The following KCNQ1 variants were observed in gnomAD, a reference collection of about 807,000 sequenced individuals.
KCNQ1 encodes potassium voltage-gated channel subfamily KQT member 1.
KCNQ1 carries 49 observed loss-of-function variants against 72.4 expected under a neutral mutation model. The observed-to-expected ratio is 0.68, with a 90% CI of 0.54 to 0.86. KCNQ1 has a LOEUF of 0.86. Ranked by LOEUF, KCNQ1 falls within the 40% of genes least tolerant of loss-of-function variation. The pLI, the probability that KCNQ1 is intolerant of heterozygous loss-of-function variation, is 0.00. For synonymous variants in KCNQ1, 450 were observed against 412.6 expected (o/e 1.09, Z -1.10); for missense variants, 790 against 945.1 (o/e 0.84, Z 2.15).
chr11:2,544,246 G>A lies in KCNQ1; in HGVS notation c.477+16228G>A, dbSNP rs1173523195. On this transcript the variant is annotated intron_variant, in intron 2 of 15. Transcript: ENST00000155840. The surrounding 1 kb of genome is among the most constrained non-coding windows in gnomAD (Gnocchi z 4.4). ...ATCTCATATATATATATGTGTGTGT[G>A]TGTATATATATATGTGTGTGTGTGT... 6.9e-5 allele frequency among the ~76,000 whole-genome samples: 10 copies of A among 144,998 alleles called. 1 individual carries two copies. Among genetic ancestry groups the A allele is most frequent in the African/African-American group, 2.4e-4 (9 of 37,054 alleles).
chr11:2,753,573 A>G (rs1160344461), intron 11 of KCNQ1, among the ~76,000 whole-genome samples: 2 of 152,172 alleles, frequency 1.3e-5, no homozygotes, highest in Non-Finnish European at 2.9e-5. Flanking sequence ...AGTCAGATGC[A>G]CCTTTTGAAG....
chr11:2,619,259 A>G (rs368892731), intron 10 of KCNQ1: 1 of 398,504 alleles, frequency 2.5e-6, no homozygotes, highest in Non-Finnish European at 4.4e-6. Context: ...GTACTGGTTC[A>G]TAGTAGAAGG....
At chr11:2,581,812 C>G (rs1317151569) in intron 6 of KCNQ1, among the ~76,000 whole-genome samples, 1 of 152,232 alleles carries the variant, frequency 6.6e-6, no homozygotes, top group Non-Finnish European at 1.5e-5. Context: ...ATACACAGAG[C>G]CGGGTGGTCC....
intron 15 of KCNQ1, among the ~76,000 whole-genome samples, chr11:2,806,968 G>T (rs973376755): frequency 5.3e-5 from 8 of 152,170 alleles, no homozygotes; most frequent in African/African-American, 1.9e-4. Context: ...GTTGGGCGGG[G>T]TCCCTGGGGC....
rs573151275 is a variant in KCNQ1 at position 2,632,935 on chromosome 11, G to A, written c.1394-29026G>A. ...TTTCCTTTCCTTTGAGTCAATACCCGGTAGTGGATTGTCAAACTGTATGAT... is the reference window on the plus strand; with the variant it reads ...TTTCCTTTCCTTTGAGTCAATACCCAGTAGTGGATTGTCAAACTGTATGAT... On this transcript the variant is annotated intron_variant, in intron 10 of 15. Coordinates refer to ENST00000155840, the MANE Select transcript of KCNQ1 (RefSeq NM_000218.3). 2.0e-4 allele frequency: 80 copies of A among 398,392 alleles called. No individual in the cohort carries two copies. Among genetic ancestry groups the A allele is most frequent in the African/African-American group, 1.0e-3 (51 of 48,722 alleles). 24.7% of individuals were successfully genotyped at this position (398,392 alleles called of 1,614,324 possible). A position where few individuals can be genotyped will look rare whatever the true frequency, so the allele number is the denominator to read the frequency against.
rs1210061499 is a variant in KCNQ1, at chr11:2,624,226, G to A, written c.1393+35372G>A. 1 of 398,432 alleles carries A rather than the reference G, an allele frequency of 2.5e-6. No individual in the cohort carries two copies. Among genetic ancestry groups the A allele is most frequent in the Non-Finnish European group, 4.4e-6 (1 of 226,048 alleles). The allele number at this position is 398,432 out of a possible 1,614,324, so 24.7% of individuals were successfully genotyped here. A position where few individuals can be genotyped will look rare whatever the true frequency, so the allele number is the denominator to read the frequency against. On this transcript the variant is annotated intron_variant, in intron 10 of 15. Transcript: ENST00000155840. This position sits in a 1 kb window ranked among gnomAD's most constrained non-coding sequence, Gnocchi z 4.9. ...GCCATCTGTATATCTTCATTGGTGA[G>A]ATGTCTGTTAAGGTCTTCAGTCCAT...
chr11:2,672,201 A>C, intron 11 of KCNQ1: 1 of 398,576 alleles, frequency 2.5e-6, no homozygotes, highest in South Asian at 1.3e-4. Context: ...CTGATTTGTT[A>C]AGTTAAATTG....
chr11:2,514,671 A>C (rs1000377381), intron 1 of KCNQ1, among the ~76,000 whole-genome samples: 1 of 152,176 alleles, frequency 6.6e-6, no homozygotes, highest in Non-Finnish European at 1.5e-5. Flanking sequence ...CTAAAAATAC[A>C]AAAAATTAGC....
intron 15 of KCNQ1, among the ~76,000 whole-genome samples, chr11:2,814,646 G>C (rs1045853271): frequency 6.6e-6 from 1 of 150,934 alleles, no homozygotes; most frequent in African/African-American, 2.4e-5. Context: ...AAGGAAGGAA[G>C]GAAGGAAGGA....
chr11:2,717,754 G>A (rs1288293556), intron 11 of KCNQ1, among the ~76,000 whole-genome samples: 1 of 152,206 alleles, frequency 6.6e-6, no homozygotes, highest in Non-Finnish European at 1.5e-5. Flanking sequence ...GCACTGGGGA[G>A]CCTGAGATAG....
At chr11:2,806,155 C>T (rs370070350) in intron 15 of KCNQ1, among the ~76,000 whole-genome samples, 185 of 152,190 alleles carry the variant, frequency 1.2e-3, no homozygotes, top group African/African-American at 4.1e-3. Context: ...AGAAAATGCC[C>T]GGAAACGTGT....
At chr11:2,737,785 G>A (rs1283518420) in intron 11 of KCNQ1, among the ~76,000 whole-genome samples, 3 of 152,192 alleles carry the variant, frequency 2.0e-5, no homozygotes, top group African/African-American at 7.2e-5. Flanking sequence ...TGGGGCTGCA[G>A]CAGGGTGCGA....
At position 2,600,377 on chromosome 11, in the gene KCNQ1, T is replaced by C. The variant is rs1848784797; in HGVS notation, c.1393+11523T>C. ...ACAGAAAAATTACAAGCACGAGATA[T>C]AAAAACACCTACATACCCTTCACTA... is the stretch of plus-strand genomic sequence containing the variant. On this transcript the variant is annotated intron_variant, in intron 10 of 15. Coordinates refer to ENST00000155840, the MANE Select transcript of KCNQ1 (RefSeq NM_000218.3). This position sits in a 1 kb window ranked among gnomAD's most constrained non-coding sequence, Gnocchi z 5.6. 6.6e-6 allele frequency among the ~76,000 whole-genome samples: 1 copy of C among 152,198 alleles called. No individual in the cohort carries two copies. Among genetic ancestry groups the C allele is most frequent in the Non-Finnish European group, 1.5e-5 (1 of 68,034 alleles).
At chr11:2,755,210 C>T (rs117550512) in intron 11 of KCNQ1, among the ~76,000 whole-genome samples, 1 of 152,228 alleles carries the variant, frequency 6.6e-6, no homozygotes, top group Non-Finnish European at 1.5e-5. Flanking sequence ...CTCTCTCTGA[C>T]CACAGCCAGG....
chr11:2,510,330 G>T (rs1390393483), intron 1 of KCNQ1, among the ~76,000 whole-genome samples: 1 of 152,004 alleles, frequency 6.6e-6, no homozygotes, highest in Non-Finnish European at 1.5e-5. Context: ...GGACATGTTA[G>T]CTCACGCCTG....
intron 15 of KCNQ1, among the ~76,000 whole-genome samples, chr11:2,792,648 G>A (rs915068184): frequency 1.3e-5 from 2 of 151,998 alleles, no homozygotes; most frequent in African/African-American, 4.8e-5. Context: ...GTGGGGTGCG[G>A]GCTGAGGCAG....
chr11:2,679,601 G>A lies in KCNQ1; in HGVS notation c.1514+17520G>A, dbSNP rs1850352899. On this transcript the variant is annotated intron_variant, in intron 11 of 15. Coordinates refer to ENST00000155840, the MANE Select transcript of KCNQ1 (RefSeq NM_000218.3). This position sits in a 1 kb window ranked among gnomAD's most constrained non-coding sequence, Gnocchi z 4.8. ...AGTGCCTGACAAAGCTGATGGGGAG[G>A]CGAGTTGGAATGAATAGTATCAGCA... The A allele has an allele frequency of 7.5e-6, 3 of 398,628 alleles. No homozygotes were observed. Among genetic ancestry groups the A allele is most frequent in the Admixed American group, 8.8e-5 (2 of 22,734 alleles). The allele number at this position is 398,628 out of a possible 1,614,324, so 24.7% of individuals were successfully genotyped here.
chr11:2,623,332 G>T lies in KCNQ1; in HGVS notation c.1393+34478G>T. The T allele has an allele frequency of 2.5e-6, 1 of 398,650 alleles. No homozygotes were observed. The highest frequency in any genetic ancestry group is 4.4e-6 in the Non-Finnish European group (1 of 226,066). 24.7% of individuals were successfully genotyped at this position (398,650 alleles called of 1,614,324 possible). A position where few individuals can be genotyped will look rare whatever the true frequency, so the allele number is the denominator to read the frequency against. ...ACTGTGAGAACGGACTAATATGCAT[G>T]TATCTACCATTATAGTATCATACAG... On this transcript the variant is annotated intron_variant, in intron 10 of 15. Transcript: ENST00000155840. The surrounding 1 kb of genome is among the most constrained non-coding windows in gnomAD (Gnocchi z 5.2).
In KCNQ1 at chr11:2,621,244, C is replaced by T; in HGVS notation, c.1393+32390C>T. The T allele has an allele frequency of 2.5e-6, 1 of 398,234 alleles. No individual in the cohort carries two copies. The allele number at this position is 398,234 out of a possible 1,614,324, so 24.7% of individuals were successfully genotyped here. A position where few individuals can be genotyped will look rare whatever the true frequency, so the allele number is the denominator to read the frequency against. On this transcript the variant is annotated intron_variant, in intron 10 of 15. Transcript: ENST00000155840. This position sits in a 1 kb window ranked among gnomAD's most constrained non-coding sequence, Gnocchi z 5.7. Reference sequence around the variant, plus strand: ...CCACGCACCTCAGCCTCCCAAAGTGCTAGGACTACAGGCATGAGCCACCGT... The same window carrying T: ...CCACGCACCTCAGCCTCCCAAAGTGTTAGGACTACAGGCATGAGCCACCGT...
Sources: gnomAD v4.1 joint callset for allele counts (sites outside exome capture counted in the v4.1 genomes callset) on GRCh38, gnomAD v4.1.1 for gene constraint, Gnocchi (gnomAD v3.1) non-coding constraint, MANE v1.5 for transcripts, NCBI Gene and HGNC (gene_info 2026-07-23, HGNC 2026-07-21) for gene names.